The following MYH9 variants were observed in gnomAD, a reference collection of about 807,000 sequenced individuals.
The protein encoded by MYH9 is myosin-9.
In MYH9, 29 loss-of-function variants were observed where a neutral mutation model predicts 241.9. The observed-to-expected ratio is 0.12, with a 90% CI of 0.09 to 0.16. MYH9 has a LOEUF of 0.16. Ranked by LOEUF, MYH9 falls within the 10% of genes least tolerant of loss-of-function variation. The pLI is 1.00. For missense variants in MYH9, 1,803 were observed against 2,595.5 expected, an observed-to-expected ratio of 0.69 and a Z score of 6.63; for synonymous variants, 1,047 against 1,062.6, an observed-to-expected ratio of 0.99 and a Z score of 0.29.
Position 36,295,136 on chromosome 22 carries a change from G to C in MYH9, c.3486-60C>G. On this transcript the variant is annotated intron_variant, in intron 26 of 40. Coordinates refer to ENST00000216181, the MANE Select transcript of MYH9 (RefSeq NM_002473.6). This position sits in a 1 kb window ranked among gnomAD's most constrained non-coding sequence, Gnocchi z 4.1. Reference sequence around the variant, plus strand: ...GGATGCTGGAGCGAGGCTGTCCCTGGGGCTCTTCCCTGACCAAAGAGAGGC... The same window carrying C: ...GGATGCTGGAGCGAGGCTGTCCCTGCGGCTCTTCCCTGACCAAAGAGAGGC... 1 of 1,611,838 alleles carries C rather than the reference G, an allele frequency of 6.2e-7. No individual in the cohort carries two copies. The highest frequency in any genetic ancestry group is 2.2e-5 in the East Asian group (1 of 44,868).
intron 1 of MYH9, among the ~76,000 whole-genome samples, chr22:36,373,979 G>A (rs953220994): frequency 2.6e-5 from 4 of 151,974 alleles, no homozygotes; most frequent in East Asian, 3.8e-4. Context: ...AATGCAAAAC[G>A]GTGGATGAGG....
chr22:36,324,233 C>A (rs2017301514), intron 5 of MYH9, among the ~76,000 whole-genome samples: 1 of 152,258 alleles, frequency 6.6e-6, no homozygotes, highest in South Asian at 2.1e-4. Context: ...GAGCTGTGTT[C>A]CCTGCTGACA....
chr22:36,283,981 T>C, intron 40 of MYH9, 112 bp downstream of exon 40: 2 of 1,309,138 alleles, frequency 1.5e-6, no homozygotes, highest in South Asian at 2.4e-5. Flanking sequence ...GATTGCTTTG[T>C]GCAGTCCTTT....
chr22:36,387,251 T>A lies in MYH9; in HGVS notation c.-20+556A>T, dbSNP rs999953885. Among the ~76,000 whole-genome samples the A allele has an allele frequency of 4.6e-5, 7 of 152,194 alleles. No individual in the cohort carries two copies. In the South Asian group the frequency reaches 1.5e-3, roughly 32 times the overall value. On this transcript the variant is annotated intron_variant, in intron 1 of 40. Coordinates refer to ENST00000216181, the MANE Select transcript of MYH9 (RefSeq NM_002473.6). Reference sequence around the variant, plus strand: ...GGCGGAAACCGGGCCGGGTGCAAGGTCTGCAGCGGGACGGTCCGACTCTGA... The same window carrying A: ...GGCGGAAACCGGGCCGGGTGCAAGGACTGCAGCGGGACGGTCCGACTCTGA...
At chr22:36,307,971 G>A (rs1362504809) in intron 15 of MYH9, among the ~76,000 whole-genome samples, 1 of 152,036 alleles carries the variant, frequency 6.6e-6, no homozygotes, top group African/African-American at 2.4e-5. Flanking sequence ...GGTTTCCTGG[G>A]CGTGGTAACT....
intron 3 of MYH9, chr22:36,328,869 G>A (rs1271236785): frequency 1.3e-5 from 2 of 152,274 alleles, no homozygotes; most frequent in African/African-American, 2.4e-5. Context: ...GGCTTTCCAC[G>A]TGCATGGCCT....
At position 36,286,791 on chromosome 22, in the gene MYH9, T is replaced by C; in HGVS notation, c.4988A>G (p.Glu1663Gly). The change falls in exon 35 of 41, where the codon GAG becomes GGG. Residue 1663 changes from glutamate to glycine, a missense_variant. Glu to Gly is a moderately conservative substitution (Grantham distance 98). Coordinates refer to ENST00000216181, the MANE Select transcript of MYH9 (RefSeq NM_002473.6). Reference protein sequence around the residue: ...ELDDTRASREEILAQAKENEK... With the variant: ...ELDDTRASREGILAQAKENEK... ...GTTCTCTTTGGCCTGGGCCAGGATCTCCTCACGAGAGGCGCGGGTGTCATC... is the reference window on the plus strand; with the variant it reads ...GTTCTCTTTGGCCTGGGCCAGGATCCCCTCACGAGAGGCGCGGGTGTCATC... 6.2e-7 allele frequency: 1 copy of C among 1,612,726 alleles called. No individual in the cohort carries two copies. Among genetic ancestry groups the C allele is most frequent in the Non-Finnish European group, 8.5e-7 (1 of 1,180,034 alleles).
intron 30 of MYH9, among the ~76,000 whole-genome samples, 166 bp from the exon 31 acceptor site, chr22:36,292,400 C>T (rs1189293553): frequency 2.6e-5 from 4 of 152,144 alleles, no homozygotes; most frequent in African/African-American, 9.7e-5. Flanking sequence ...TCCACAGGGG[C>T]GAGACAAATG....
intron 11 of MYH9, among the ~76,000 whole-genome samples, chr22:36,317,888 CCTG>C (rs1460588511): frequency 6.6e-6 from 1 of 152,252 alleles, no homozygotes; most frequent in Admixed American, 6.5e-5. Flanking sequence ...GCATCAAGTT[CCTG>C]CTTTTATACC....
chr22:36,284,278 A>G lies in MYH9; in HGVS notation c.5593-13T>C, dbSNP rs977229022. Reference sequence around the variant, plus strand: ...ATGCCTTGTCGGCCTGCGGAGATGGACGTGTGGCCCGTGGCCCCGGTTAGG... The same window carrying G: ...ATGCCTTGTCGGCCTGCGGAGATGGGCGTGTGGCCCGTGGCCCCGGTTAGG... On this transcript the variant is annotated splice_polypyrimidine_tract_variant and intron_variant, in intron 39 of 40. Coordinates refer to ENST00000216181, the MANE Select transcript of MYH9 (RefSeq NM_002473.6). The G allele has an allele frequency of 6.2e-7, 1 of 1,607,888 alleles. No individual in the cohort carries two copies. Among genetic ancestry groups the G allele is most frequent in the Non-Finnish European group, 8.5e-7 (1 of 1,178,852 alleles).
chr22:36,319,710 T>C, intron 9 of MYH9, 75 bp from the exon 10 acceptor site: 2 of 1,424,904 alleles, frequency 1.4e-6, no homozygotes, highest in Non-Finnish European at 2.0e-6. Context: ...GCCACTCATC[T>C]AGGGATCCTC....
intron 2 of MYH9, among the ~76,000 whole-genome samples, chr22:36,348,282 G>C (rs528446878): frequency 6.6e-6 from 1 of 151,190 alleles, no homozygotes; most frequent in African/African-American, 2.4e-5. Context: ...GCCGAGGCGG[G>C]TGGATCACCT....
chr22:36,298,645 A>G (rs555524274), intron 24 of MYH9, among the ~76,000 whole-genome samples: 1 of 152,318 alleles, frequency 6.6e-6, no homozygotes, highest in Non-Finnish European at 1.5e-5. Flanking sequence ...ACAACAGAGC[A>G]ATGCCAAAGC....
chr22:36,356,999 T>C (rs2017866763), intron 1 of MYH9, among the ~76,000 whole-genome samples: 2 of 152,282 alleles, frequency 1.3e-5, no homozygotes, highest in African/African-American at 4.8e-5. Context: ...TAATATTTTA[T>C]GCTGCCTTCC....
Position 36,309,379 on chromosome 22 carries a change from G to C in MYH9, c.1746C>G (p.Asp582Glu), listed in dbSNP as rs781414941. The C allele has an allele frequency of 3.7e-6, 6 of 1,614,000 alleles. No individual in the cohort carries two copies. Among genetic ancestry groups the C allele is most frequent in the Admixed American group, 3.3e-5 (2 of 60,012 alleles). Residue 582 changes from aspartate (D) to glutamate (E), a missense_variant, in exon 15 of 41, where the codon GAC (aspartate) becomes GAG (glutamate). Around this residue, in one of 11 missense-constraint regions of MYH9, gnomAD observed 163 missense variants for 349.7 expected, o/e 0.47. Coordinates refer to ENST00000216181, the MANE Select transcript of MYH9 (RefSeq NM_002473.6). ...HYAGKVDYKADEWLMKNMDPL... is the reference protein window; with the variant it reads ...HYAGKVDYKAEEWLMKNMDPL... The stretch of plus-strand genomic sequence containing the variant: ...GATCCATGTTCTTCATCAGCCACTC[G>C]TCAGCTTTGTAATCCACCTGGCGGG...
chr22:36,288,316 T>C lies in MYH9; in HGVS notation c.4868A>G (p.Glu1623Gly). 1 of 1,614,078 alleles carries C rather than the reference T, an allele frequency of 6.2e-7. No homozygotes were observed. The change falls in exon 34 of 41, where the codon GAG becomes GGG. Residue 1623 changes from glutamate to glycine, a missense_variant. Physicochemically the swap from Glu to Gly is moderately conservative, Grantham distance 98 (BLOSUM62 -2). Transcript: ENST00000216181. The surrounding 1 kb of genome is among the most constrained non-coding windows in gnomAD (Gnocchi z 4.8). ...KKLEMDLKDL[E>G]AHIDSANKNR... Reference sequence around the variant, plus strand: ...CTTGTTGGCCGAGTCGATGTGCGCCTCCAGGTCCTTCAGGTCCATCTCCAG... The same window carrying C: ...CTTGTTGGCCGAGTCGATGTGCGCCCCCAGGTCCTTCAGGTCCATCTCCAG...
intron 1 of MYH9, among the ~76,000 whole-genome samples, chr22:36,356,765 G>A (rs944955779): frequency 2.6e-5 from 4 of 152,254 alleles, no homozygotes; most frequent in Admixed American, 1.3e-4. Context: ...GCGGCAGGAC[G>A]GACATGAACC....
intron 12 of MYH9, among the ~76,000 whole-genome samples, chr22:36,316,035 C>CT (rs144026849): frequency 0.51 from 60,136 of 116,912 alleles, 18,643 homozygotes; most frequent in Non-Finnish European, 0.68. Flanking sequence ...GAGACCCTGA[C>CT]TTTTTTTTTT....
At chr22:36,321,477 G>A (rs1320563377) in intron 7 of MYH9, among the ~76,000 whole-genome samples, 1 of 152,154 alleles carries the variant, frequency 6.6e-6, no homozygotes, top group African/African-American at 2.4e-5. Context: ...GCAGGAGAGT[G>A]GCATCCCCCA....
Sources: allele counts gnomAD v4.1 joint callset (sites outside exome capture counted in the v4.1 genomes callset), GRCh38; gene constraint gnomAD v4.1.1; regional missense constraint gnomAD v4.1.1; non-coding constraint Gnocchi (gnomAD v3.1); transcripts MANE v1.5; gene names NCBI Gene and HGNC (gene_info 2026-07-23, HGNC 2026-07-21).